FAT3: variants seen among roughly 807,000 people sequenced by gnomAD.
FAT3 encodes FAT atypical cadherin 3.
In FAT3, 95 loss-of-function variants were observed where a neutral mutation model predicts 310.2. The ratio of observed to expected loss-of-function variants is 0.31; its 90% CI spans 0.26 to 0.36. The LOEUF (loss-of-function observed/expected upper bound fraction) is 0.36, where lower values mean the gene tolerates loss of function less well. FAT3 is among the 10% of genes least tolerant of loss of function. The pLI is 1.00. For missense variants in FAT3, 5,408 were observed against 5,715.6 expected (o/e 0.95, Z 1.74); for synonymous variants, 2,314 against 2,192.9 (o/e 1.06, Z -1.54).
intron 3 of FAT3, among the ~76,000 whole-genome samples, chr11:92,614,035 A>C (rs188605092): frequency 2.4e-4 from 36 of 152,210 alleles, no homozygotes; most frequent in Admixed American, 2.0e-3. Context: ...TTTACTTAGC[A>C]TGTTTTCAAG....
Position 92,880,731 on chromosome 11 carries a change from G to T in FAT3, c.12128G>T (p.Gly4043Val), listed in dbSNP as rs1949654688. The T allele has an allele frequency of 6.2e-7, 1 of 1,612,494 alleles. No homozygotes were observed. ...GGSCTGLPSG[G>V]YQCTCLSQFT... Reference sequence around the variant, plus strand: ...CTCATGAGGTCCTCTGTTTCCCCAGGCTATCAGTGTACCTGTCTCTCACAG... The same window carrying T: ...CTCATGAGGTCCTCTGTTTCCCCAGTCTATCAGTGTACCTGTCTCTCACAG... Residue 4043 changes from glycine to valine, a missense_variant and splice_region_variant, in exon 23 of 28, where the codon GGC becomes GTC. Physicochemically the swap from Gly to Val is moderately radical, Grantham distance 109. Around this residue, in one of 5 missense-constraint regions of FAT3, gnomAD observed 4,588 missense variants for 4,809.8 expected, o/e 0.95. Transcript: ENST00000525166.
intron 2 of FAT3, among the ~76,000 whole-genome samples, chr11:92,423,209 A>T (rs751693410): frequency 2.9e-4 from 44 of 152,268 alleles, no homozygotes; most frequent in Non-Finnish European, 5.9e-4. Flanking sequence ...ACAGCCATGG[A>T]TTCCTCCAAG....
At chr11:92,313,506 G>A (rs1947359823) in intron 1 of FAT3, among the ~76,000 whole-genome samples, 1 of 152,070 alleles carries the variant, frequency 6.6e-6, no homozygotes, top group African/African-American at 2.4e-5. Flanking sequence ...TCTTTTTAAT[G>A]TGTTACTGAC....
chr11:92,495,867 A>T (rs768559603), intron 2 of FAT3, among the ~76,000 whole-genome samples: 1 of 152,028 alleles, frequency 6.6e-6, no homozygotes, highest in Non-Finnish European at 1.5e-5. Flanking sequence ...TGGGCTGGAG[A>T]TGATTTTGAT....
At chr11:92,859,501 A>G (rs753390072) in intron 21 of FAT3, among the ~76,000 whole-genome samples, 179 bp downstream of exon 21, 25 of 152,108 alleles carry the variant, frequency 1.6e-4, no homozygotes, top group Non-Finnish European at 3.5e-4. Flanking sequence ...TTTCCTTTTG[A>G]ACATTCAGCT....
At chr11:92,684,241 A>C (rs567579557) in intron 3 of FAT3, among the ~76,000 whole-genome samples, 1 of 152,320 alleles carries the variant, frequency 6.6e-6, no homozygotes, top group Non-Finnish European at 1.5e-5. Flanking sequence ...ACAAACCCTT[A>C]GTCCCAAAGA....
At chr11:92,521,084 C>T (rs1953665642) in intron 2 of FAT3, among the ~76,000 whole-genome samples, 1 of 152,052 alleles carries the variant, frequency 6.6e-6, no homozygotes. Flanking sequence ...AATTTAGTGA[C>T]TTCCAGGAAT....
At chr11:92,661,322 C>T (rs1453869308) in intron 3 of FAT3, among the ~76,000 whole-genome samples, 1 of 152,200 alleles carries the variant, frequency 6.6e-6, no homozygotes, top group Non-Finnish European at 1.5e-5. Context: ...AAGATGGTCA[C>T]ATGAAGCCGA....
chr11:92,453,118 T>C (rs1951403926), intron 2 of FAT3, among the ~76,000 whole-genome samples: 1 of 152,116 alleles, frequency 6.6e-6, no homozygotes. Context: ...ACACCATTCA[T>C]ATCTTTGCCG....
At chr11:92,406,538 C>A (rs1236872832) in intron 2 of FAT3, 2 of 152,112 alleles carry the variant, frequency 1.3e-5, no homozygotes, top group African/African-American at 4.8e-5. Context: ...ACTGGAGTAA[C>A]CAAGGGAACC....
chr11:92,365,571 G>A (rs1161048997), intron 2 of FAT3, among the ~76,000 whole-genome samples: 1 of 152,160 alleles, frequency 6.6e-6, no homozygotes, highest in African/African-American at 2.4e-5. Flanking sequence ...ATGTATAGAT[G>A]ATTTTTAATT....
At chr11:92,878,249 A>G (rs1200330742) in intron 22 of FAT3, among the ~76,000 whole-genome samples, 1 of 152,190 alleles carries the variant, frequency 6.6e-6, no homozygotes, top group Non-Finnish European at 1.5e-5. Context: ...TTCTTTCTTC[A>G]TAAGGCCTTG....
chr11:92,621,406 G>A (rs1472292423), intron 3 of FAT3, among the ~76,000 whole-genome samples: 2 of 152,110 alleles, frequency 1.3e-5, no homozygotes, highest in Admixed American at 6.5e-5. Context: ...AGCACTTTTT[G>A]CTTATCCTTA....
chr11:92,748,776 G>A (rs1436628081), intron 4 of FAT3: 2 of 152,174 alleles, frequency 1.3e-5, no homozygotes, highest in Admixed American at 1.3e-4. Flanking sequence ...ATTAAGGGCA[G>A]ACAGTTTAAT....
chr11:92,414,239 G>A (rs74690999), intron 2 of FAT3, among the ~76,000 whole-genome samples: 2 of 152,032 alleles, frequency 1.3e-5, no homozygotes, highest in Non-Finnish European at 2.9e-5. Context: ...GAGAGATCAC[G>A]GACACCTGCC....
At chr11:92,577,488 C>G (rs1938548101) in intron 3 of FAT3, among the ~76,000 whole-genome samples, 1 of 151,934 alleles carries the variant, frequency 6.6e-6, no homozygotes, top group Non-Finnish European at 1.5e-5. Context: ...ATGTTTTAAT[C>G]CATGTATACA....
intron 13 of FAT3, among the ~76,000 whole-genome samples, chr11:92,829,404 CA>C (rs1213395209): frequency 3.9e-5 from 6 of 152,164 alleles, no homozygotes; most frequent in Non-Finnish European, 8.8e-5. Context: ...GTATTTATGT[CA>C]ATCGCTGATG....
At position 92,513,047 on chromosome 11, in the gene FAT3, G is replaced by A. The variant is rs568069785; in HGVS notation, c.3293-11587G>A. Among the ~76,000 whole-genome samples, 25 of 109,048 alleles carry A rather than the reference G, an allele frequency of 2.3e-4. 3 individuals carry two copies. Among genetic ancestry groups the A allele is most frequent in the African/African-American group, 9.6e-4 (24 of 24,908 alleles). 71.5% of individuals were successfully genotyped at this position (109,048 alleles called of 152,430 possible). The stretch of plus-strand genomic sequence containing the variant: ...TGAGGCAGGAGAATGGCGTGAACCC[G>A]GGAGGCGGAGCTTGCAGTGAGCCGA... On this transcript the variant is annotated intron_variant, in intron 2 of 27. Transcript: ENST00000525166.
At chr11:92,826,451 G>A (rs941308135) in intron 13 of FAT3, among the ~76,000 whole-genome samples, 3 of 152,138 alleles carry the variant, frequency 2.0e-5, no homozygotes, top group Admixed American at 6.6e-5. Context: ...GCATGGGATT[G>A]AGAAACTAAC....
Sources: allele counts gnomAD v4.1 joint callset (sites outside exome capture counted in the v4.1 genomes callset), GRCh38; gene constraint gnomAD v4.1.1; regional missense constraint gnomAD v4.1.1; transcripts MANE v1.5; gene names NCBI Gene and HGNC (gene_info 2026-07-23, HGNC 2026-07-21).